SETBP1: variants seen among roughly 807,000 people sequenced by gnomAD.
SETBP1 encodes SET-binding protein.
SETBP1 carries 9 observed loss-of-function variants against 101.0 expected under a neutral mutation model. That is an observed-to-expected ratio of 0.09 (90% CI 0.05 to 0.16). SETBP1 has a LOEUF of 0.16. SETBP1 is among the 10% of genes least tolerant of loss of function. The probability of loss-of-function intolerance (pLI) is 1.00; values close to 1 mark genes in which losing one functional copy is unlikely to be tolerated. For synonymous variants in SETBP1, 818 were observed against 788.5 expected, an observed-to-expected ratio of 1.04 and a Z score of -0.63; for missense variants, 1,858 against 2,033.8, an observed-to-expected ratio of 0.91 and a Z score of 1.66.
intron 4 of SETBP1, among the ~76,000 whole-genome samples, chr18:44,980,196 G>A (rs888085359): frequency 1.3e-5 from 2 of 152,140 alleles, no homozygotes; most frequent in Admixed American, 6.5e-5. Context: ...GGGTGAGCTG[G>A]GAATATTTTG....
At chr18:45,038,444 C>T in intron 4 of SETBP1, 41 bp from the exon 5 acceptor site, 1 of 1,593,262 alleles carries the variant, frequency 6.3e-7, no homozygotes, top group Non-Finnish European at 8.6e-7. Context: ...TCTTCCTGTT[C>T]CCTTAAAGTG....
At chr18:44,727,740 C>T (rs1381445) in intron 2 of SETBP1, among the ~76,000 whole-genome samples, 317 of 152,300 alleles carry the variant, frequency 2.1e-3, no homozygotes, top group Non-Finnish European at 3.9e-3. Context: ...AGCCAATCTC[C>T]TTGGTGCTTT....
chr18:44,984,162 T>C (rs960750601), intron 4 of SETBP1, among the ~76,000 whole-genome samples: 4 of 143,352 alleles, frequency 2.8e-5, no homozygotes, highest in Non-Finnish European at 5.9e-5. Context: ...GGTTGCACTC[T>C]AGCCTGGGAG....
intron 2 of SETBP1, among the ~76,000 whole-genome samples, chr18:44,848,648 A>T (rs2072779706): frequency 6.6e-6 from 1 of 152,184 alleles, no homozygotes; most frequent in Admixed American, 6.5e-5. Context: ...CTTCCTGGAG[A>T]GGTAACTTAA....
intron 1 of SETBP1, among the ~76,000 whole-genome samples, chr18:44,694,470 C>T (rs1180385696): frequency 6.6e-6 from 1 of 152,214 alleles, no homozygotes; most frequent in Admixed American, 6.5e-5. Flanking sequence ...CTTCAGCCTC[C>T]CAAAGTGCTG....
At chr18:44,680,598 T>A (rs1268934842), upstream of SETBP1, among the ~76,000 whole-genome samples, 1 of 152,064 alleles carries the variant, frequency 6.6e-6, no homozygotes, top group African/African-American at 2.4e-5. Context: ...CGGGCGAGGT[T>A]GCAGGAGATG....
intron 1 of SETBP1, among the ~76,000 whole-genome samples, chr18:44,685,368 T>C (rs937763014): frequency 6.6e-6 from 1 of 152,238 alleles, no homozygotes; most frequent in African/African-American, 2.4e-5. Flanking sequence ...GCCCCCTTGA[T>C]TCTCCTAAGG....
chr18:44,981,208 A>G (rs2072105993), intron 4 of SETBP1, among the ~76,000 whole-genome samples: 1 of 152,224 alleles, frequency 6.6e-6, no homozygotes, highest in Non-Finnish European at 1.5e-5. Flanking sequence ...TCCCTGAGGC[A>G]GAGGCCCAAA....
At chr18:44,717,845 A>G (rs1435249148) in intron 2 of SETBP1, among the ~76,000 whole-genome samples, 7 of 152,204 alleles carry the variant, frequency 4.6e-5, no homozygotes, top group Non-Finnish European at 7.3e-5. Flanking sequence ...AGAGAGGTTG[A>G]AGTTTTCTCT....
chr18:44,830,300 C>T (rs2072333608), intron 2 of SETBP1, among the ~76,000 whole-genome samples: 1 of 152,194 alleles, frequency 6.6e-6, no homozygotes, highest in African/African-American at 2.4e-5. Context: ...AACACAGTCT[C>T]TTTGGGAAGT....
chr18:44,792,393 G>C (rs936107569), intron 2 of SETBP1, among the ~76,000 whole-genome samples: 1 of 152,212 alleles, frequency 6.6e-6, no homozygotes, highest in Non-Finnish European at 1.5e-5. Flanking sequence ...AGGAGCCAGA[G>C]CGTAAGGTAA....
chr18:45,037,406 C>A (rs757463122), intron 4 of SETBP1, among the ~76,000 whole-genome samples: 3 of 151,934 alleles, frequency 2.0e-5, no homozygotes, highest in Non-Finnish European at 2.9e-5. Flanking sequence ...TAATGATAGT[C>A]GCAATAATAG....
intron 3 of SETBP1, among the ~76,000 whole-genome samples, chr18:44,893,759 A>G (rs975923410): frequency 3.1e-4 from 47 of 152,200 alleles, no homozygotes; most frequent in African/African-American, 1.1e-3. Context: ...GACATCATAC[A>G]GAGTAAGTGC....
intron 2 of SETBP1, among the ~76,000 whole-genome samples, chr18:44,857,563 A>G (rs1599232237): frequency 6.6e-6 from 1 of 152,048 alleles, no homozygotes; most frequent in Admixed American, 6.5e-5. Flanking sequence ...TCTTTGTGCT[A>G]TAAATAAAGG....
intron 2 of SETBP1, among the ~76,000 whole-genome samples, chr18:44,826,053 A>T (rs2072231294): frequency 6.6e-6 from 1 of 152,250 alleles, no homozygotes; most frequent in South Asian, 2.1e-4. Context: ...CTCAATAAAT[A>T]TTAGATGAAT....
intron 2 of SETBP1, among the ~76,000 whole-genome samples, chr18:44,845,985 G>A (rs1246758922): frequency 6.6e-6 from 1 of 152,222 alleles, no homozygotes; most frequent in African/African-American, 2.4e-5. Flanking sequence ...CTAGCAGAGG[G>A]GAAGGCTGGT....
At chr18:44,736,400 G>GTATGCAAAAGAACACAAGACAAGTCTT (rs2069968638) in intron 2 of SETBP1, among the ~76,000 whole-genome samples, 1 of 152,260 alleles carries the variant, frequency 6.6e-6, no homozygotes, top group South Asian at 2.1e-4. Context: ...GCTCTGTAGG[G>GTATGCAAAAGAACACAAGACAAGTCTT]TATGCAAAAG....
At chr18:44,979,476 A>G (rs936876237) in intron 4 of SETBP1, among the ~76,000 whole-genome samples, 1 of 152,214 alleles carries the variant, frequency 6.6e-6, no homozygotes, top group Non-Finnish European at 1.5e-5. Context: ...AATTTTCTGT[A>G]TAGTATTATC....
intron 2 of SETBP1, among the ~76,000 whole-genome samples, chr18:44,829,754 CTT>C (rs1375186939): frequency 1.3e-5 from 2 of 152,184 alleles, no homozygotes; most frequent in East Asian, 3.9e-4. Flanking sequence ...GAGTCCTTGT[CTT>C]TAATCTCTTT....
Sources: gnomAD v4.1 joint callset for allele counts (sites outside exome capture counted in the v4.1 genomes callset) on GRCh38, gnomAD v4.1.1 for gene constraint, MANE v1.5 for transcripts, NCBI Gene and HGNC (gene_info 2026-07-23, HGNC 2026-07-21) for gene names.